BTBD10: variants seen among roughly 807,000 people sequenced by gnomAD.
BTBD10 encodes BTB/POZ domain-containing protein 10.
BTBD10 carries 21 observed loss-of-function variants against 53.2 expected under a neutral mutation model. The ratio of observed to expected loss-of-function variants is 0.39; its 90% CI spans 0.28 to 0.57. The LOEUF is 0.57. BTBD10 is among the 20% of genes least tolerant of loss of function. The probability of loss-of-function intolerance (pLI) is 0.53; values close to 1 mark genes in which losing one functional copy is unlikely to be tolerated. For synonymous variants in BTBD10, 149 were observed against 192.7 expected (o/e 0.77, Z 1.88); for missense variants, 360 against 594.7 (o/e 0.61, Z 4.10).
At chr11:13,447,910 T>C (rs1296505642) in intron 1 of BTBD10, among the ~76,000 whole-genome samples, 1 of 152,180 alleles carries the variant, frequency 6.6e-6, no homozygotes, top group Non-Finnish European at 1.5e-5. Context: ...ACGTGTTTTA[T>C]GTTTGTGTAA....
intron 1 of BTBD10, among the ~76,000 whole-genome samples, chr11:13,453,207 T>C (rs1950898868): frequency 6.6e-6 from 1 of 152,064 alleles, no homozygotes; most frequent in Admixed American, 6.6e-5. Flanking sequence ...CAAAATATAT[T>C]GTTAAGCTAA....
chr11:13,400,323 C>T lies in BTBD10; in HGVS notation c.1117+2845G>A, dbSNP rs190314955. Among the ~76,000 whole-genome samples, 420 of 152,216 alleles carry T rather than the reference C, an allele frequency of 2.8e-3. 3 individuals are homozygous for T. The highest frequency in any genetic ancestry group is 9.6e-3 in the African/African-American group (397 of 41,534). On this transcript the variant is annotated intron_variant, in intron 8 of 8. Coordinates refer to ENST00000278174, the MANE Select transcript of BTBD10 (RefSeq NM_032320.7). ...GCTGTGCTAGCAATGAGCAAGGCTC[C>T]GTGGGTGTAGGACCCTCAGAGCCAG...
intron 8 of BTBD10, among the ~76,000 whole-genome samples, chr11:13,398,453 G>A (rs1949618189): frequency 1.3e-5 from 2 of 152,086 alleles, no homozygotes; most frequent in South Asian, 4.1e-4. Flanking sequence ...TGTGAGATGG[G>A]TCTCCTGAAT....
At chr11:13,445,211 A>G in intron 1 of BTBD10, 30 bp from the exon 2 acceptor site, 1 of 847,024 alleles carries the variant, frequency 1.2e-6, no homozygotes, top group Non-Finnish European at 1.9e-6. Flanking sequence ...TGACCTTTAA[A>G]TCTATTCCAC....
chr11:13,407,388 C>T (rs1246021222), intron 6 of BTBD10, among the ~76,000 whole-genome samples: 1 of 152,138 alleles, frequency 6.6e-6, no homozygotes, highest in East Asian at 1.9e-4. Flanking sequence ...GTACGTCAAA[C>T]TCAATACATC....
intron 2 of BTBD10, among the ~76,000 whole-genome samples, chr11:13,432,605 CA>C (rs781668956): frequency 3.4e-5 from 5 of 149,092 alleles, no homozygotes; most frequent in Admixed American, 6.7e-5. Flanking sequence ...AAAGTGGAGA[CA>C]AAAAAACACA....
At chr11:13,414,844 GAAAAAAAAAAAAAA>G in intron 5 of BTBD10, among the ~76,000 whole-genome samples, 1 of 85,134 alleles carries the variant, frequency 1.2e-5, no homozygotes, top group South Asian at 5.5e-4. Flanking sequence ...CATCTCAAAC[GAAAAAAAAAAAAAA>G]AAAAAAAGAA....
rs565270547 is a variant in BTBD10, at chr11:13,410,383, C to T, written c.808+3147G>A. ...AGAGTCAAGAAAAAATGAGTAACATCGTAATTAAGCCTAAAAGAAATGTCT... is the reference window on the plus strand; with the variant it reads ...AGAGTCAAGAAAAAATGAGTAACATTGTAATTAAGCCTAAAAGAAATGTCT... On this transcript the variant is annotated intron_variant, in intron 6 of 8. Coordinates refer to ENST00000278174, the MANE Select transcript of BTBD10 (RefSeq NM_032320.7). Among the ~76,000 whole-genome samples, 4 of 152,144 alleles carry T rather than the reference C, an allele frequency of 2.6e-5. No homozygotes were observed. In the South Asian group the frequency reaches 8.3e-4, roughly 32 times the overall value.
rs564213015 is a variant in BTBD10, at chr11:13,405,561, T to C, written c.1006+98A>G. The C allele has an allele frequency of 8.4e-6, 11 of 1,314,944 alleles. No individual in the cohort carries two copies. In the East Asian group the frequency reaches 2.3e-4, roughly 28 times the overall value. 81.5% of individuals were successfully genotyped at this position (1,314,944 alleles called of 1,614,324 possible). Reference sequence around the variant, plus strand: ...TTATAAAAATAGGTGATGGGCTGGATTGACCCCCAGGCTGGTCTATGAGAA... The same window carrying C: ...TTATAAAAATAGGTGATGGGCTGGACTGACCCCCAGGCTGGTCTATGAGAA... On this transcript the variant is annotated intron_variant, in intron 7 of 8. Coordinates refer to ENST00000278174, the MANE Select transcript of BTBD10 (RefSeq NM_032320.7).
intron 8 of BTBD10, among the ~76,000 whole-genome samples, chr11:13,399,988 G>A (rs1342057057): frequency 1.3e-5 from 2 of 152,200 alleles, no homozygotes; most frequent in African/African-American, 4.8e-5. Flanking sequence ...AGGCTACTCG[G>A]GGCTCAGGGA....
chr11:13,442,146 A>G (rs1264723895), intron 2 of BTBD10, among the ~76,000 whole-genome samples: 1 of 152,146 alleles, frequency 6.6e-6, no homozygotes, highest in Non-Finnish European at 1.5e-5. Flanking sequence ...TCTTATTTAA[A>G]AGAATAATAA....
intron 1 of BTBD10, among the ~76,000 whole-genome samples, chr11:13,460,755 TTCTTCCAG>T (rs1249907793): frequency 1.4e-4 from 22 of 152,218 alleles, no homozygotes; most frequent in African/African-American, 4.8e-4. Flanking sequence ...GGATCAGTAT[TTCTTCCAG>T]TAAGTCAATG....
intron 1 of BTBD10, among the ~76,000 whole-genome samples, chr11:13,446,502 G>T (rs1465619102): frequency 6.6e-6 from 1 of 151,924 alleles, no homozygotes; most frequent in African/African-American, 2.4e-5. Context: ...TATAATAAAT[G>T]AGCATTTAAT....
chr11:13,399,161 C>A (rs1311804843), intron 8 of BTBD10, among the ~76,000 whole-genome samples: 1 of 152,190 alleles, frequency 6.6e-6, no homozygotes, highest in Non-Finnish European at 1.5e-5. Flanking sequence ...TGGTTCCATT[C>A]TCCCCATCAC....
Position 13,419,747 on chromosome 11 carries a change from T to C in BTBD10, c.299-2A>G. On this transcript the variant is annotated splice_acceptor_variant, in intron 3 of 8. Transcript: ENST00000278174. LOFTEE classifies it high-confidence loss of function. ...AGGAACTGTGATCTTTTTCTCGTTCTGAAATAAAGATGTTAGACGAAGTTA... is the reference window on the plus strand; with the variant it reads ...AGGAACTGTGATCTTTTTCTCGTTCCGAAATAAAGATGTTAGACGAAGTTA... 1 of 1,564,442 alleles carries C rather than the reference T, an allele frequency of 6.4e-7. No individual in the cohort carries two copies.
intron 8 of BTBD10, among the ~76,000 whole-genome samples, chr11:13,398,756 A>G (rs1949629589): frequency 6.6e-6 from 1 of 152,182 alleles, no homozygotes; most frequent in Non-Finnish European, 1.5e-5. Flanking sequence ...AAAATCTCTC[A>G]GCATTTGCTT....
At chr11:13,431,669 T>TTCTAAGTAAATA (rs1200736826) in intron 2 of BTBD10, among the ~76,000 whole-genome samples, 1 of 152,210 alleles carries the variant, frequency 6.6e-6, no homozygotes. Context: ...TATCTATTGC[T>TTCTAAGTAAATA]TCTTGGCCTT....
At chr11:13,394,323 T>C (rs1949480661) in intron 8 of BTBD10, among the ~76,000 whole-genome samples, 1 of 152,140 alleles carries the variant, frequency 6.6e-6, no homozygotes, top group Admixed American at 6.5e-5. Flanking sequence ...GTTCTTGTGA[T>C]AGTGAGTGCT....
chr11:13,405,908 T>G (rs1286143585), intron 6 of BTBD10, 52 bp from the exon 7 acceptor site: 1 of 1,553,900 alleles, frequency 6.4e-7, no homozygotes, highest in Non-Finnish European at 8.8e-7. Context: ...TAAAAAGAGT[T>G]CTTTTAGAAA....
Sources: gnomAD v4.1 joint callset for allele counts (sites outside exome capture counted in the v4.1 genomes callset) on GRCh38, gnomAD v4.1.1 for gene constraint, MANE v1.5 for transcripts, NCBI Gene and HGNC (gene_info 2026-07-23, HGNC 2026-07-21) for gene names.